The following PDE3B variants were observed in gnomAD, a reference collection of about 807,000 sequenced individuals.
PDE3B encodes the protein phosphodiesterase 3B, also known as cGMP-inhibited 3',5'-cyclic phosphodiesterase 3B.
A neutral mutation model predicts 116.8 loss-of-function variants in PDE3B; 66 were observed. That is an observed-to-expected ratio of 0.56 (90% CI 0.46 to 0.69). PDE3B has a LOEUF of 0.69. Ranked by LOEUF, PDE3B falls within the 30% of genes least tolerant of loss-of-function variation. The pLI, the probability that PDE3B is intolerant of heterozygous loss-of-function variation, is 0.00. For missense variants in PDE3B, 1,384 were observed against 1,368.1 expected (o/e 1.01, Z -0.18); for synonymous variants, 595 against 533.6 (o/e 1.12, Z -1.59).
At chr11:14,664,635 A>G (rs1854065101) in intron 1 of PDE3B, among the ~76,000 whole-genome samples, 2 of 152,240 alleles carry the variant, frequency 1.3e-5, no homozygotes, top group Non-Finnish European at 1.5e-5. Context: ...GATACTACAA[A>G]CAGCTCTAAG....
chr11:14,890,166 C>T, the PDE3B span, among the ~76,000 whole-genome samples: 1 of 151,744 alleles, frequency 6.6e-6, no homozygotes, highest in Non-Finnish European at 1.5e-5. Context: ...TACACAATAA[C>T]CAAGAACACT....
At chr11:14,652,813 A>G (rs2133750017) in intron 1 of PDE3B, among the ~76,000 whole-genome samples, 1 of 152,360 alleles carries the variant, frequency 6.6e-6, no homozygotes, top group South Asian at 2.1e-4. Flanking sequence ...TTCACTTAGT[A>G]TAATCATCTT....
At chr11:14,759,020 G>T (rs984622816) in intron 1 of PDE3B, among the ~76,000 whole-genome samples, 2 of 152,070 alleles carry the variant, frequency 1.3e-5, no homozygotes, top group Non-Finnish European at 1.5e-5. Context: ...CATCTATTGA[G>T]ATAGTCATGT....
At chr11:14,896,731 G>A in the PDE3B span, among the ~76,000 whole-genome samples, 1 of 152,192 alleles carries the variant, frequency 6.6e-6, no homozygotes, top group Non-Finnish European at 1.5e-5. Flanking sequence ...TGGACACTGA[G>A]TGAAGGGAAA....
At chr11:14,850,247 C>T (rs973807831) in intron 12 of PDE3B, among the ~76,000 whole-genome samples, 5 of 151,700 alleles carry the variant, frequency 3.3e-5, no homozygotes, top group African/African-American at 1.2e-4. Flanking sequence ...AACAAAAAAC[C>T]AAACACCGCA....
intron 1 of PDE3B, among the ~76,000 whole-genome samples, chr11:14,766,175 G>A (rs1029612499): frequency 6.6e-6 from 1 of 151,582 alleles, no homozygotes; most frequent in Non-Finnish European, 1.5e-5. Context: ...AATATTAAAG[G>A]TATCTCTGTT....
chr11:14,849,537 A>G (rs1386348974), intron 12 of PDE3B, among the ~76,000 whole-genome samples: 1 of 152,202 alleles, frequency 6.6e-6, no homozygotes, highest in African/African-American at 2.4e-5. Flanking sequence ...AACTACCATC[A>G]GAGTGAACAG....
rs185161688 is a variant in PDE3B at position 14,738,807 on chromosome 11, G to A, written c.979-33130G>A. Among the ~76,000 whole-genome samples, 296 of 152,256 alleles carry A rather than the reference G, an allele frequency of 1.9e-3. 1 individual carries two copies. The highest frequency in any genetic ancestry group is 6.4e-3 in the African/African-American group (264 of 41,548). Reference sequence around the variant, plus strand: ...GGTGTAAGAAAGGGGTCCAGTTTCAGTTTTCTCCATATGGCTAGCCAGTTT... The same window carrying A: ...GGTGTAAGAAAGGGGTCCAGTTTCAATTTTCTCCATATGGCTAGCCAGTTT... On this transcript the variant is annotated intron_variant, in intron 1 of 15. Coordinates refer to ENST00000282096, the MANE Select transcript of PDE3B (RefSeq NM_000922.4).
At chr11:14,687,344 G>C (rs1854907132) in intron 1 of PDE3B, among the ~76,000 whole-genome samples, 1 of 152,048 alleles carries the variant, frequency 6.6e-6, no homozygotes, top group African/African-American at 2.4e-5. Context: ...ATGTTATATT[G>C]AATTGATTTG....
intron 1 of PDE3B, among the ~76,000 whole-genome samples, chr11:14,731,134 C>T (rs1856445131): frequency 6.6e-6 from 1 of 151,778 alleles, no homozygotes; most frequent in Non-Finnish European, 1.5e-5. Context: ...ATCAGTTTGT[C>T]TCAGTTCCTT....
At chr11:14,667,573 C>T (rs987360861) in intron 1 of PDE3B, among the ~76,000 whole-genome samples, 4 of 149,876 alleles carry the variant, frequency 2.7e-5, no homozygotes, top group African/African-American at 7.4e-5. Flanking sequence ...TCATTCTCAG[C>T]AAACTGTCGC....
chr11:14,718,986 G>A (rs1356627766), intron 1 of PDE3B, among the ~76,000 whole-genome samples: 23 of 105,494 alleles, frequency 2.2e-4, no homozygotes, highest in African/African-American at 8.9e-4. Flanking sequence ...TCCAGGAGCT[G>A]GTTTTTTGAA....
chr11:14,730,344 A>G (rs1000337802), intron 1 of PDE3B, among the ~76,000 whole-genome samples: 2 of 152,216 alleles, frequency 1.3e-5, no homozygotes, highest in African/African-American at 4.8e-5. Flanking sequence ...TGGTCTATCA[A>G]CACTCCTCAG....
intron 1 of PDE3B, among the ~76,000 whole-genome samples, chr11:14,702,187 G>C (rs1230739545): frequency 6.6e-6 from 1 of 151,536 alleles, no homozygotes; most frequent in African/African-American, 2.4e-5. Flanking sequence ...TATAAAAATT[G>C]TATTATCATA....
At chr11:14,839,097 A>G (rs183225692) in intron 11 of PDE3B, among the ~76,000 whole-genome samples, 75 of 152,344 alleles carry the variant, frequency 4.9e-4, no homozygotes, top group Admixed American at 2.3e-3. Flanking sequence ...CTGGTCCTAC[A>G]GCCAGAGTTA....
At chr11:14,683,794 A>G (rs772449813) in intron 1 of PDE3B, among the ~76,000 whole-genome samples, 19 of 152,178 alleles carry the variant, frequency 1.2e-4, no homozygotes, top group Non-Finnish European at 1.9e-4. Flanking sequence ...CTTTTCTAAT[A>G]TAAGCATTAG....
At chr11:14,683,107 T>G (rs1174163888) in intron 1 of PDE3B, among the ~76,000 whole-genome samples, 3 of 152,062 alleles carry the variant, frequency 2.0e-5, no homozygotes, top group African/African-American at 7.2e-5. Flanking sequence ...CTGGCTAATT[T>G]TTTTCTGTTT....
intron 11 of PDE3B, among the ~76,000 whole-genome samples, chr11:14,842,941 G>A (rs1295092795): frequency 6.6e-6 from 1 of 152,138 alleles, no homozygotes; most frequent in Non-Finnish European, 1.5e-5. Flanking sequence ...AATTCTTTTG[G>A]ACTTTAACAA....
chr11:14,652,094 G>A (rs1298625930), intron 1 of PDE3B, among the ~76,000 whole-genome samples: 1 of 152,046 alleles, frequency 6.6e-6, no homozygotes, highest in Non-Finnish European at 1.5e-5. Context: ...AAAAGTTTTA[G>A]TTCTAATATT....
Sources: allele counts gnomAD v4.1 joint callset (sites outside exome capture counted in the v4.1 genomes callset), GRCh38; gene constraint gnomAD v4.1.1; transcripts MANE v1.5; gene names NCBI Gene and HGNC (gene_info 2026-07-23, HGNC 2026-07-21).